The following KCNQ1 variants were observed in gnomAD, a reference collection of about 807,000 sequenced individuals.
KCNQ1 encodes potassium voltage-gated channel subfamily Q member 1.
KCNQ1 carries 49 observed loss-of-function variants against 72.4 expected under a neutral mutation model. The observed-to-expected ratio is 0.68, with a 90% CI of 0.54 to 0.86. The LOEUF (loss-of-function observed/expected upper bound fraction) is 0.86. Ranked by LOEUF, KCNQ1 falls within the 40% of genes least tolerant of loss-of-function variation. The probability of loss-of-function intolerance (pLI) is 0.00; values close to 1 mark genes in which losing one functional copy is unlikely to be tolerated. For missense variants in KCNQ1, 790 were observed against 945.1 expected, an observed-to-expected ratio of 0.84 and a Z score of 2.15; for synonymous variants, 450 against 412.6, an observed-to-expected ratio of 1.09 and a Z score of -1.10.
At position 2,781,997 on chromosome 11, in the gene KCNQ1, C is replaced by T. The variant is rs1819058999; in HGVS notation, c.1794+3960C>T. On this transcript the variant is annotated intron_variant, in intron 15 of 15. Transcript: ENST00000155840. This position sits in a 1 kb window ranked among gnomAD's most constrained non-coding sequence, Gnocchi z 6.6. ...TGCCTTTACCAAGCTTCGTGCATGA[C>T]CCCAACCTCCAGGATGCAGGCAGGC... Among the ~76,000 whole-genome samples, 1 of 152,146 alleles carries T rather than the reference C, an allele frequency of 6.6e-6. No individual in the cohort carries two copies. The highest frequency in any genetic ancestry group is 1.5e-5 in the Non-Finnish European group (1 of 68,020).
chr11:2,533,022 G>A lies in KCNQ1; in HGVS notation c.477+5004G>A, dbSNP rs867621923. ...CACCCGCCAAGGAGTGCTGAGCGCG[G>A]GGAGCCCAAACCACAGCCTTGGGGA... On this transcript the variant is annotated intron_variant, in intron 2 of 15. Coordinates refer to ENST00000155840, the MANE Select transcript of KCNQ1 (RefSeq NM_000218.3). Among the ~76,000 whole-genome samples, 23 of 152,232 alleles carry A rather than the reference G, an allele frequency of 1.5e-4. No homozygotes were observed. The South Asian group carries it at 2.1e-3, about 14-fold the overall frequency.
chr11:2,557,261 C>A (rs1564816012), intron 2 of KCNQ1, among the ~76,000 whole-genome samples: 1 of 152,214 alleles, frequency 6.6e-6, no homozygotes, highest in African/African-American at 2.4e-5. Flanking sequence ...TGACTGTAAT[C>A]TTTAAGGCAT....
In KCNQ1 at chr11:2,550,540, C is replaced by T. The variant is rs1461747902; in HGVS notation, c.478-20088C>T. ...TGGGAGCTGATGCCTGACATGCATC[C>T]TCGCCTAGGCCAGAGTGCCAGGCAG... On this transcript the variant is annotated intron_variant, in intron 2 of 15. Coordinates refer to ENST00000155840, the MANE Select transcript of KCNQ1 (RefSeq NM_000218.3). The surrounding 1 kb of genome is among the most constrained non-coding windows in gnomAD (Gnocchi z 6.0). Among the ~76,000 whole-genome samples the T allele has an allele frequency of 1.3e-5, 2 of 152,220 alleles. No homozygotes were observed. The highest frequency in any genetic ancestry group is 3.8e-4 in the East Asian group (2 of 5,202).
intron 11 of KCNQ1, chr11:2,667,706 G>C (rs933152830): frequency 1.4e-4 from 57 of 398,824 alleles, no homozygotes; most frequent in African/African-American, 9.0e-4. Context: ...TAGTCAGGAA[G>C]TCTGGAAGCC....
intron 1 of KCNQ1, among the ~76,000 whole-genome samples, chr11:2,489,936 C>A (rs1194206036): frequency 6.6e-6 from 1 of 152,146 alleles, no homozygotes; most frequent in Non-Finnish European, 1.5e-5. Context: ...ACCAGCTTGA[C>A]CACAGTGGGG....
rs576523855 is a variant in KCNQ1, at chr11:2,700,868, G to A, written c.1514+38787G>A. 8.5e-5 allele frequency among the ~76,000 whole-genome samples: 13 copies of A among 152,052 alleles called. No homozygotes were observed. In the East Asian group the frequency reaches 1.4e-3, roughly 16 times the overall value. ...CGCCGCTGGCGCGCGCCTTCTGAAT[G>A]CCAAGCATTGCCATAAACTCCGGGG... On this transcript the variant is annotated intron_variant, in intron 11 of 15. Coordinates refer to ENST00000155840, the MANE Select transcript of KCNQ1 (RefSeq NM_000218.3).
chr11:2,528,132 C>A, intron 2 of KCNQ1, 114 bp downstream of exon 2: 1 of 914,284 alleles, frequency 1.1e-6, no homozygotes, highest in Non-Finnish European at 1.8e-6. Context: ...CCCTTGCCCA[C>A]ACATTGGTCC....
intron 1 of KCNQ1, among the ~76,000 whole-genome samples, chr11:2,524,376 C>G (rs1357768578): frequency 6.6e-6 from 1 of 152,176 alleles, no homozygotes; most frequent in African/African-American, 2.4e-5. Flanking sequence ...CTCAGTTTAC[C>G]CCAATTGTGA....
At chr11:2,791,832 G>A (rs1177078183) in intron 15 of KCNQ1, among the ~76,000 whole-genome samples, 1 of 152,206 alleles carries the variant, frequency 6.6e-6, no homozygotes, top group East Asian at 1.9e-4. Flanking sequence ...CCCTGGCTCC[G>A]AGCCCGCAGG....
At position 2,617,067 on chromosome 11, in the gene KCNQ1, ATTC is replaced by A. The variant is rs1418587558; in HGVS notation, c.1393+28216_1393+28218del. 2 of 398,068 alleles carry A rather than the reference ATTC, an allele frequency of 5.0e-6. No homozygotes were observed. The highest frequency in any genetic ancestry group is 8.9e-6 in the Non-Finnish European group (2 of 225,858). 24.7% of individuals were successfully genotyped at this position (398,068 alleles called of 1,614,324 possible). On this transcript the variant is annotated intron_variant, in intron 10 of 15. Transcript: ENST00000155840. This position sits in a 1 kb window ranked among gnomAD's most constrained non-coding sequence, Gnocchi z 4.6. ...TTAATATGTCCATCATCTCACAGTT[ATTC>A]TTTTGTGTGTATGAGTGAGAAAAGC...
In KCNQ1 at chr11:2,715,545, G is replaced by T. The variant is rs1009173286; in HGVS notation, c.1515-53299G>T. On this transcript the variant is annotated intron_variant, in intron 11 of 15. Transcript: ENST00000155840. The surrounding 1 kb of genome is among the most constrained non-coding windows in gnomAD (Gnocchi z 4.9). ...CTTCGTTTCCAGCCGGAGTGTACCT[G>T]GGGATGCCTGTGCCCAAGCCTTCCT... Among the ~76,000 whole-genome samples, 1 of 152,062 alleles carries T rather than the reference G, an allele frequency of 6.6e-6. No homozygotes were observed. Among genetic ancestry groups the T allele is most frequent in the African/African-American group, 2.4e-5 (1 of 41,390 alleles).
chr11:2,461,863 T>C (rs574871187), intron 1 of KCNQ1: 41 of 452,702 alleles, frequency 9.1e-5, no homozygotes, highest in African/African-American at 7.9e-4. Context: ...AAGGGGTGGG[T>C]GGACGGAGGG....
At chr11:2,733,812 ACACTCTCT>A (rs1845896950) in intron 11 of KCNQ1, among the ~76,000 whole-genome samples, 1 of 87,726 alleles carries the variant, frequency 1.1e-5, no homozygotes, top group African/African-American at 4.5e-5. Flanking sequence ...ACACACACAC[ACACTCTCT>A]CACTCTCTCT....
rs1846903767 is a variant in KCNQ1 at position 2,785,954 on chromosome 11, T to C, written c.1794+7917T>C. Among the ~76,000 whole-genome samples, 1 of 151,940 alleles carries C rather than the reference T, an allele frequency of 6.6e-6. No homozygotes were observed. Among genetic ancestry groups the C allele is most frequent in the Admixed American group, 6.5e-5 (1 of 15,276 alleles). ...GACTTAGTACTTTGCTGTTGTATAT[T>C]TTAGTTGAACTGTGTTTAATTTTTA... On this transcript the variant is annotated intron_variant, in intron 15 of 15. Coordinates refer to ENST00000155840, the MANE Select transcript of KCNQ1 (RefSeq NM_000218.3). This position sits in a 1 kb window ranked among gnomAD's most constrained non-coding sequence, Gnocchi z 4.4.
In KCNQ1 at chr11:2,564,581, C is replaced by T. The variant is rs984393683; in HGVS notation, c.478-6047C>T. The stretch of plus-strand genomic sequence containing the variant: ...CTGCACTCCTGCCTGGGCAACAGAG[C>T]AAGACTCTATCTCAAAATAAAATAA... On this transcript the variant is annotated intron_variant, in intron 2 of 15. Transcript: ENST00000155840. The surrounding 1 kb of genome is among the most constrained non-coding windows in gnomAD (Gnocchi z 4.5). 6.6e-6 allele frequency among the ~76,000 whole-genome samples: 1 copy of T among 152,226 alleles called. No homozygotes were observed. The highest frequency in any genetic ancestry group is 1.5e-5 in the Non-Finnish European group (1 of 68,042).
At chr11:2,684,056 T>C (rs1290688452) in intron 11 of KCNQ1, 2 of 398,450 alleles carry the variant, frequency 5.0e-6, no homozygotes, top group Admixed American at 8.8e-5. Context: ...ATCAAGACAT[T>C]GTTTAGAGTA....
rs529310593 is a variant in KCNQ1, at chr11:2,704,867, G to A, written c.1514+42786G>A. On this transcript the variant is annotated intron_variant, in intron 11 of 15. Transcript: ENST00000155840. The surrounding 1 kb of genome is among the most constrained non-coding windows in gnomAD (Gnocchi z 4.3). ...CCACGAGCGAGCCCAAGGGAAGGAC[G>A]GGTTTGGAGGGTTTCTGAAGATCTG... 2.0e-5 allele frequency among the ~76,000 whole-genome samples: 3 copies of A among 152,264 alleles called. No homozygotes were observed. Among genetic ancestry groups the A allele is most frequent in the African/African-American group, 7.2e-5 (3 of 41,548 alleles).
chr11:2,696,462 G>T (rs997637246), intron 11 of KCNQ1: 53 of 398,674 alleles, frequency 1.3e-4, no homozygotes, highest in African/African-American at 1.0e-3. Flanking sequence ...ACACCGCTCT[G>T]ATTGCTGAAG....
At position 2,536,831 on chromosome 11, in the gene KCNQ1, G is replaced by A. The variant is rs954731583; in HGVS notation, c.477+8813G>A. Among the ~76,000 whole-genome samples the A allele has an allele frequency of 4.6e-5, 7 of 152,134 alleles. No homozygotes were observed. Among genetic ancestry groups the A allele is most frequent in the South Asian group, 2.1e-4 (1 of 4,820 alleles). Reference sequence around the variant, plus strand: ...TCACAGCTCTGGACGATGGAGGGCCGAGACCCAGGTGTGGGCAGGGCTGGT... The same window carrying A: ...TCACAGCTCTGGACGATGGAGGGCCAAGACCCAGGTGTGGGCAGGGCTGGT... On this transcript the variant is annotated intron_variant, in intron 2 of 15. Transcript: ENST00000155840. This position sits in a 1 kb window ranked among gnomAD's most constrained non-coding sequence, Gnocchi z 7.4.
Sources: allele counts gnomAD v4.1 joint callset (sites outside exome capture counted in the v4.1 genomes callset), GRCh38; gene constraint gnomAD v4.1.1; non-coding constraint Gnocchi (gnomAD v3.1); transcripts MANE v1.5; gene names NCBI Gene and HGNC (gene_info 2026-07-23, HGNC 2026-07-21).